The following DCDC2 variants were observed in gnomAD, a reference collection of about 807,000 sequenced individuals.
DCDC2 encodes doublecortin domain-containing protein 2.
DCDC2 carries 40 observed loss-of-function variants against 50.2 expected under a neutral mutation model. The ratio of observed to expected loss-of-function variants is 0.80; its 90% CI spans 0.62 to 1.04. DCDC2 has a LOEUF of 1.04. Ranked by LOEUF, DCDC2 falls within the 50% of genes least tolerant of loss-of-function variation. The pLI is 0.00. For synonymous variants in DCDC2, 234 were observed against 210.6 expected (o/e 1.11, Z -0.96); for missense variants, 570 against 581.9 (o/e 0.98, Z 0.21).
intron 2 of DCDC2, among the ~76,000 whole-genome samples, chr6:24,331,888 G>A (rs1475014831): frequency 6.6e-6 from 1 of 152,150 alleles, no homozygotes; most frequent in Non-Finnish European, 1.5e-5. Context: ...CCAAGAAGGA[G>A]AAATTATGTA....
intron 7 of DCDC2, among the ~76,000 whole-genome samples, chr6:24,228,622 T>A (rs890962590): frequency 2.0e-5 from 3 of 152,252 alleles, no homozygotes; most frequent in Non-Finnish European, 4.4e-5. Context: ...AAATTCATAT[T>A]TATAAGCATT....
At chr6:24,310,677 C>T (rs1365971220) in intron 2 of DCDC2, among the ~76,000 whole-genome samples, 1 of 152,198 alleles carries the variant, frequency 6.6e-6, no homozygotes, top group East Asian at 1.9e-4. Context: ...GTATACCCAG[C>T]TGGATATGTC....
intron 7 of DCDC2, among the ~76,000 whole-genome samples, chr6:24,248,656 C>T (rs62400391): frequency 0.016 from 2,420 of 152,178 alleles, 21 homozygotes; most frequent in Non-Finnish European, 0.024. Context: ...GTAATTCCCT[C>T]GAGGGCAGAA....
chr6:24,217,547 A>G (rs957801655), intron 7 of DCDC2, among the ~76,000 whole-genome samples: 1 of 152,162 alleles, frequency 6.6e-6, no homozygotes, highest in African/African-American at 2.4e-5. Flanking sequence ...TGTGCAAATC[A>G]GTGCAAATCA....
intron 2 of DCDC2, among the ~76,000 whole-genome samples, chr6:24,344,561 T>C (rs1760221831): frequency 6.6e-6 from 1 of 152,216 alleles, no homozygotes. Context: ...ATGATACATG[T>C]TCAAAGCTAA....
intron 2 of DCDC2, among the ~76,000 whole-genome samples, chr6:24,304,959 G>A (rs1759444412): frequency 6.6e-6 from 1 of 152,158 alleles, no homozygotes; most frequent in Non-Finnish European, 1.5e-5. Flanking sequence ...TACAGAGGAT[G>A]CTCTGCTGTT....
At chr6:24,185,758 G>A (rs1464324730) in intron 8 of DCDC2, among the ~76,000 whole-genome samples, 3 of 151,574 alleles carry the variant, frequency 2.0e-5, no homozygotes, top group Admixed American at 6.6e-5. Context: ...ATACCATGGT[G>A]ACAGTCTGCA....
intron 7 of DCDC2, among the ~76,000 whole-genome samples, chr6:24,207,283 TCTCTCA>T (rs1371554152): frequency 9.3e-5 from 14 of 150,480 alleles, no homozygotes; most frequent in East Asian, 5.8e-4. Context: ...TCTCTCTCTC[TCTCTCA>T]GACACACACA....
At chr6:24,182,660 G>C (rs11963702) in intron 8 of DCDC2, among the ~76,000 whole-genome samples, 11 of 85,592 alleles carry the variant, frequency 1.3e-4, no homozygotes, top group Admixed American at 8.2e-4. Flanking sequence ...GAAAACAAGC[G>C]TTGACAAGGA....
At chr6:24,221,199 G>GT (rs1762111530) in intron 7 of DCDC2, among the ~76,000 whole-genome samples, 1 of 152,092 alleles carries the variant, frequency 6.6e-6, no homozygotes, top group Non-Finnish European at 1.5e-5. Context: ...TCCTTGTTAT[G>GT]TTCTGTGTCA....
chr6:24,286,321 G>A (rs116637575), intron 6 of DCDC2, among the ~76,000 whole-genome samples: 109 of 152,238 alleles, frequency 7.2e-4, no homozygotes, highest in African/African-American at 2.5e-3. Context: ...GGCCAGGTGC[G>A]GTGGCTCACA....
chr6:24,242,724 G>A (rs866072013), intron 7 of DCDC2, among the ~76,000 whole-genome samples: 4 of 152,200 alleles, frequency 2.6e-5, no homozygotes, highest in African/African-American at 7.2e-5. Flanking sequence ...CACCTTGGGA[G>A]GCCAAGACGG....
chr6:24,226,109 G>A (rs1320769952), intron 7 of DCDC2, among the ~76,000 whole-genome samples: 4 of 152,158 alleles, frequency 2.6e-5, no homozygotes, highest in Non-Finnish European at 4.4e-5. Flanking sequence ...CTTGCCCACA[G>A]TGGATTTATA....
chr6:24,237,042 G>A (rs1581603700), intron 7 of DCDC2, among the ~76,000 whole-genome samples: 1 of 150,918 alleles, frequency 6.6e-6, no homozygotes, highest in Non-Finnish European at 1.5e-5. Flanking sequence ...CAAAGGACAT[G>A]AATAGACACT....
intron 7 of DCDC2, among the ~76,000 whole-genome samples, chr6:24,210,710 G>A (rs1033246968): frequency 6.6e-6 from 1 of 152,170 alleles, no homozygotes; most frequent in Non-Finnish European, 1.5e-5. Flanking sequence ...CAATAGCCAA[G>A]TGCTCTTAAT....
rs994441482 is a variant in DCDC2, at chr6:24,327,496, G to A, written c.349-25452C>T. ...TATTTATTTATTTATTGGCTGATAC[G>A]GAGTTTTGCTCTTGTTGCCCAGGCT... On this transcript the variant is annotated intron_variant, in intron 2 of 9. Transcript: ENST00000378454. Among the ~76,000 whole-genome samples, 37 of 97,138 alleles carry A rather than the reference G, an allele frequency of 3.8e-4. 1 individual carries two copies. Among genetic ancestry groups the A allele is most frequent in the African/African-American group, 1.3e-3 (27 of 21,488 alleles). 63.7% of individuals were successfully genotyped at this position (97,138 alleles called of 152,430 possible).
At chr6:24,210,978 C>A (rs1039988762) in intron 7 of DCDC2, among the ~76,000 whole-genome samples, 2 of 152,290 alleles carry the variant, frequency 1.3e-5, no homozygotes, top group South Asian at 2.1e-4. Context: ...AAGTTCTTTC[C>A]CCATTTTCAC....
At chr6:24,247,517 A>G (rs1326851127) in intron 7 of DCDC2, among the ~76,000 whole-genome samples, 1 of 152,146 alleles carries the variant, frequency 6.6e-6, no homozygotes, top group Admixed American at 6.6e-5. Flanking sequence ...GATGGAGTAC[A>G]CTGAAGATAG....
At chr6:24,375,425 C>A in the DCDC2 span, among the ~76,000 whole-genome samples, 2 of 152,098 alleles carry the variant, frequency 1.3e-5, no homozygotes, top group East Asian at 1.9e-4. Context: ...AAACTCCCCC[C>A]CCCAACCCCG....
Sources: allele counts gnomAD v4.1 joint callset (sites outside exome capture counted in the v4.1 genomes callset), GRCh38; gene constraint gnomAD v4.1.1; transcripts MANE v1.5; gene names NCBI Gene and HGNC (gene_info 2026-07-23, HGNC 2026-07-21).